Variants in RPAP2 observed in about 807,000 individuals in gnomAD.
RPAP2 encodes the protein putative RNA polymerase II subunit B1 CTD phosphatase RPAP2.
A neutral mutation model predicts 73.1 loss-of-function variants in RPAP2; 52 were observed. The ratio of observed to expected loss-of-function variants is 0.71; its 90% CI spans 0.57 to 0.90. The LOEUF is 0.90. Among genes scored for constraint, RPAP2 ranks in the 40% least tolerant of loss-of-function variants. The probability of loss-of-function intolerance (pLI) is 0.00; values close to 1 mark genes in which losing one functional copy is unlikely to be tolerated. For synonymous variants in RPAP2, 225 were observed against 242.1 expected (o/e 0.93, Z 0.65); for missense variants, 598 against 701.8 (o/e 0.85, Z 1.67).
rs943677959 is a variant in RPAP2, at chr1:92,391,840, T to C, written c.*4829T>C. On this transcript the variant is annotated 3_prime_UTR_variant, in exon 13 of 13. Coordinates refer to ENST00000610020, the MANE Select transcript of RPAP2 (RefSeq NM_024813.3). ...CTCCCAAGACTAAACCAGGAAGAAGTTGAATCTCTGAATAAACCAGTAACA... is the reference window on the plus strand; with the variant it reads ...CTCCCAAGACTAAACCAGGAAGAAGCTGAATCTCTGAATAAACCAGTAACA... The C allele has an allele frequency of 3.9e-5, 6 of 152,212 alleles. No individual in the cohort carries two copies. In the East Asian group the frequency reaches 7.7e-4, roughly 20 times the overall value. The allele number at this position is 152,212 out of a possible 1,614,324, so 9.4% of individuals were successfully genotyped here.
chr1:92,372,894 G>A (rs1280888997), intron 11 of RPAP2, among the ~76,000 whole-genome samples: 1 of 152,176 alleles, frequency 6.6e-6, no homozygotes, highest in Non-Finnish European at 1.5e-5. Context: ...CAGCCAGAGT[G>A]ACACAGCAAG....
chr1:92,312,263 A>AAAAATAC (rs1291750122), intron 6 of RPAP2, among the ~76,000 whole-genome samples: 1 of 152,142 alleles, frequency 6.6e-6, no homozygotes, highest in East Asian at 1.9e-4. Flanking sequence ...TTAAAAAATA[A>AAAAATAC]AAAATTAGCT....
intron 4 of RPAP2, 103 bp from the exon 5 acceptor site, chr1:92,304,181 A>G (rs528132495): frequency 1.8e-6 from 2 of 1,115,044 alleles, no homozygotes; most frequent in African/African-American, 3.1e-5. Flanking sequence ...AACTAAAGGC[A>G]TGGATTGGCC....
chr1:92,309,998 TAGAG>T (rs1171010708), intron 6 of RPAP2, among the ~76,000 whole-genome samples: 2 of 152,202 alleles, frequency 1.3e-5, no homozygotes, highest in African/African-American at 2.4e-5. Flanking sequence ...AAAGGGTCCT[TAGAG>T]AGATTTAATC....
Position 92,345,852 on chromosome 1 carries a change from A to G in RPAP2, c.1626A>G (p.Thr542=), listed in dbSNP as rs1653863543. Residue 542 remains threonine (T), a synonymous_variant, in exon 11 of 13, where the codon ACA becomes ACG. Coordinates refer to ENST00000610020, the MANE Select transcript of RPAP2 (RefSeq NM_024813.3). The part of the protein sequence containing the change: ...LKNLVRTFRL[T]NRNIIHKPAE... ...AATTTTATCTATCTTTCAGGTTAAC[A>G]AATAGAAATATTATACACAAACCTG... 1.3e-6 allele frequency: 2 copies of G among 1,584,688 alleles called. No individual in the cohort carries two copies. The highest frequency in any genetic ancestry group is 1.7e-6 in the Non-Finnish European group (2 of 1,156,246).
intron 8 of RPAP2, among the ~76,000 whole-genome samples, chr1:92,332,022 C>A (rs189995806): frequency 3.3e-5 from 5 of 151,956 alleles, no homozygotes; most frequent in Admixed American, 3.3e-4. Flanking sequence ...CTTCCTCTAG[C>A]TTCTTTTAAG....
At position 92,323,686 on chromosome 1, in the gene RPAP2, G is replaced by A. The variant is rs1490687318; in HGVS notation, c.766G>A (p.Ala256Thr). 1.9e-6 allele frequency: 3 copies of A among 1,613,736 alleles called. No homozygotes were observed. Among genetic ancestry groups the A allele is most frequent in the African/African-American group, 2.7e-5 (2 of 74,860 alleles). Residue 256 changes from alanine (A) to threonine (T), a missense_variant, in exon 8 of 13, where the codon GCT (alanine) becomes ACT (threonine). Ala to Thr is a moderately conservative substitution (Grantham distance 58, BLOSUM62 0). Coordinates refer to ENST00000610020, the MANE Select transcript of RPAP2 (RefSeq NM_024813.3). ...AATGAAAAAGAAAGCTGGTCACAAAGCTAACTCCAAACACAAAGACAAAGA... is the reference window on the plus strand; with the variant it reads ...AATGAAAAAGAAAGCTGGTCACAAAACTAACTCCAAACACAAAGACAAAGA... ...SIMKKKAGHK[A>T]NSKHKDKEQT...
chr1:92,352,438 T>A (rs2101344499), intron 11 of RPAP2, among the ~76,000 whole-genome samples: 1 of 77,008 alleles, frequency 1.3e-5, no homozygotes, highest in East Asian at 5.6e-4. Context: ...GGCTTTTGCC[T>A]CAGCAGGCTG....
At chr1:92,352,297 C>T (rs972051246) in intron 11 of RPAP2, among the ~76,000 whole-genome samples, 1 of 152,206 alleles carries the variant, frequency 6.6e-6, no homozygotes, top group African/African-American at 2.4e-5. Context: ...ACAAGCTCAA[C>T]TTGACCATGA....
rs1344801742 is a variant in RPAP2 at position 92,323,736 on chromosome 1, G to A, written c.816G>A (p.Glu272=). 6.2e-7 allele frequency: 1 copy of A among 1,614,146 alleles called. No homozygotes were observed. The highest frequency in any genetic ancestry group is 8.5e-7 in the Non-Finnish European group (1 of 1,180,002). ...AACAGACAGTAGTAGATGTCACTGA[G>A]CAGTTAGGCGATTGCAAATTAGATA... ...DKEQTVVDVT[E]QLGDCKLDSQ... Residue 272 remains glutamate (E), a synonymous_variant, in exon 8 of 13, where the codon GAG becomes GAA. Transcript: ENST00000610020.
At chr1:92,335,772 A>T (rs1231874681) in intron 9 of RPAP2, among the ~76,000 whole-genome samples, 1 of 152,184 alleles carries the variant, frequency 6.6e-6, no homozygotes, top group Non-Finnish European at 1.5e-5. Context: ...TTATCTAACC[A>T]ATCACCTATT....
At chr1:92,365,539 G>T (rs761266991) in intron 11 of RPAP2, among the ~76,000 whole-genome samples, 1 of 152,192 alleles carries the variant, frequency 6.6e-6, no homozygotes, top group Non-Finnish European at 1.5e-5. Context: ...GTGCACATTG[G>T]TGTGCTAAGT....
rs1236183172 is a variant in RPAP2, at chr1:92,392,595, G to A, written c.*5584G>A. Reference sequence around the variant, plus strand: ...AAATAGGAAGAGAGGAAGTCAAATTGTCTCTGTTTGCAGATGACATGATTG... The same window carrying A: ...AAATAGGAAGAGAGGAAGTCAAATTATCTCTGTTTGCAGATGACATGATTG... On this transcript the variant is annotated 3_prime_UTR_variant, in exon 13 of 13. Coordinates refer to ENST00000610020, the MANE Select transcript of RPAP2 (RefSeq NM_024813.3). 6.6e-6 allele frequency: 1 copy of A among 152,170 alleles called. No homozygotes were observed. The highest frequency in any genetic ancestry group is 2.4e-5 in the African/African-American group (1 of 41,422). 9.4% of individuals were successfully genotyped at this position (152,170 alleles called of 1,614,324 possible).
At position 92,399,513 on chromosome 1, in the gene RPAP2, C is replaced by T. The variant is rs909307718; in HGVS notation, c.*12502C>T. ...AAAAGCCAGTCCCCTAGATGCCCAT[C>T]TGACCCTACCTTACTGGGGTCATAC... On this transcript the variant is annotated 3_prime_UTR_variant, in exon 13 of 13. Transcript: ENST00000610020. 6.6e-6 allele frequency: 1 copy of T among 152,208 alleles called. No homozygotes were observed. The highest frequency in any genetic ancestry group is 1.5e-5 in the Non-Finnish European group (1 of 68,040). The allele number at this position is 152,208 out of a possible 1,614,324, so 9.4% of individuals were successfully genotyped here. A position where few individuals can be genotyped will look rare whatever the true frequency, so the allele number is the denominator to read the frequency against.
intron 10 of RPAP2, among the ~76,000 whole-genome samples, chr1:92,343,163 G>T (rs1045595292): frequency 6.6e-6 from 1 of 152,196 alleles, no homozygotes; most frequent in Non-Finnish European, 1.5e-5. Flanking sequence ...GAGTGCTCAT[G>T]AGAGGTGGGG....
intron 11 of RPAP2, among the ~76,000 whole-genome samples, chr1:92,370,533 G>A (rs1179328643): frequency 6.6e-6 from 1 of 152,160 alleles, no homozygotes; most frequent in Non-Finnish European, 1.5e-5. Context: ...GATTATATAT[G>A]AGAAACAGTG....
intron 8 of RPAP2, among the ~76,000 whole-genome samples, chr1:92,328,023 G>T (rs1005998599): frequency 2.0e-5 from 3 of 152,192 alleles, no homozygotes; most frequent in Admixed American, 6.5e-5. Context: ...TGAGAAATCT[G>T]CTGTTAATCT....
Position 92,324,321 on chromosome 1 carries a change from C to T in RPAP2, c.1401C>T (p.Tyr467=). Residue 467 remains tyrosine, a synonymous_variant, in exon 8 of 13, where the codon TAC becomes TAT. Transcript: ENST00000610020. ...EKLNLRIREF[Y]RGRYVLGEET... ...TAAATCTGAGGATCAGGGAGTTTTACAGAGGACGGTATGTTTTGGGTGAAG... is the reference window on the plus strand; with the variant it reads ...TAAATCTGAGGATCAGGGAGTTTTATAGAGGACGGTATGTTTTGGGTGAAG... The T allele has an allele frequency of 6.2e-7, 1 of 1,613,970 alleles. No homozygotes were observed. Among genetic ancestry groups the T allele is most frequent in the Non-Finnish European group, 8.5e-7 (1 of 1,179,944 alleles).
At chr1:92,343,388 G>A (rs571635766) in intron 10 of RPAP2, among the ~76,000 whole-genome samples, 8 of 152,192 alleles carry the variant, frequency 5.3e-5, no homozygotes, top group South Asian at 2.1e-4. Context: ...ATCAAACAAC[G>A]TGTCCAAAAT....
Sources: allele counts gnomAD v4.1 joint callset (sites outside exome capture counted in the v4.1 genomes callset), GRCh38; gene constraint gnomAD v4.1.1; transcripts MANE v1.5; gene names NCBI Gene and HGNC (gene_info 2026-07-23, HGNC 2026-07-21).